Variants in SGCZ observed in about 807,000 individuals in gnomAD.
SGCZ encodes zeta-sarcoglycan.
A neutral mutation model predicts 41.3 loss-of-function variants in SGCZ; 40 were observed. The ratio of observed to expected loss-of-function variants is 0.97; its 90% CI spans 0.75 to 1.26. SGCZ has a LOEUF of 1.26. Among genes scored for constraint, SGCZ ranks in the 50% most tolerant of loss-of-function variants. The pLI, the probability that SGCZ is intolerant of heterozygous loss-of-function variation, is 0.00. For missense variants in SGCZ, 552 were observed against 369.8 expected (o/e 1.49, Z -4.04); for synonymous variants, 206 against 137.5 (o/e 1.50, Z -3.49).
intron 1 of SGCZ, among the ~76,000 whole-genome samples, chr8:14,995,122 T>G (rs371717419): frequency 2.0e-5 from 3 of 152,138 alleles, no homozygotes; most frequent in Admixed American, 2.0e-4. Flanking sequence ...ATAAAGGGAG[T>G]GCCATCAGAG....
chr8:14,558,104 A>G (rs1055533174), intron 1 of SGCZ, among the ~76,000 whole-genome samples: 6 of 152,132 alleles, frequency 3.9e-5, no homozygotes, highest in African/African-American at 1.4e-4. Flanking sequence ...CAACCTTCCT[A>G]GTTTAATTCA....
At chr8:14,820,618 A>T (rs1335529968) in intron 1 of SGCZ, among the ~76,000 whole-genome samples, 1 of 152,108 alleles carries the variant, frequency 6.6e-6, no homozygotes, top group Non-Finnish European at 1.5e-5. Flanking sequence ...AACAAATTTT[A>T]AAAATCTGAA....
chr8:14,687,341 C>A (rs1265707941), intron 1 of SGCZ, among the ~76,000 whole-genome samples: 2 of 143,662 alleles, frequency 1.4e-5, no homozygotes, highest in South Asian at 2.4e-4. Flanking sequence ...CTATCCCTCC[C>A]CCCTCCCCAC....
chr8:14,291,601 T>C (rs185944747), intron 3 of SGCZ, among the ~76,000 whole-genome samples: 2 of 152,130 alleles, frequency 1.3e-5, no homozygotes, highest in Admixed American at 6.6e-5. Context: ...ACTAGTTGTT[T>C]TACTAATAAA....
chr8:14,884,136 A>C (rs929973788), intron 1 of SGCZ, among the ~76,000 whole-genome samples: 4 of 152,124 alleles, frequency 2.6e-5, no homozygotes, highest in African/African-American at 9.6e-5. Flanking sequence ...GATAATTTGA[A>C]GCATCAGATT....
At chr8:15,139,641 T>C (rs181463352) in intron 1 of SGCZ, among the ~76,000 whole-genome samples, 60 of 151,930 alleles carry the variant, frequency 3.9e-4, no homozygotes, top group African/African-American at 1.3e-3. Flanking sequence ...AGCTAAAGTC[T>C]ACTTATTTAA....
At chr8:14,377,279 C>T (rs1804166550) in intron 2 of SGCZ, among the ~76,000 whole-genome samples, 1 of 152,106 alleles carries the variant, frequency 6.6e-6, no homozygotes, top group Non-Finnish European at 1.5e-5. Context: ...CAGAGGGCTT[C>T]TACATTGGTG....
chr8:14,303,859 C>G (rs1361821807), intron 3 of SGCZ, among the ~76,000 whole-genome samples: 1 of 152,034 alleles, frequency 6.6e-6, no homozygotes, highest in African/African-American at 2.4e-5. Flanking sequence ...TCAGGCCATT[C>G]TCCTGCTTCA....
chr8:14,127,037 C>G (rs1184132394), intron 5 of SGCZ, among the ~76,000 whole-genome samples: 2 of 151,936 alleles, frequency 1.3e-5, no homozygotes, highest in Non-Finnish European at 2.9e-5. Context: ...GGCTTAATAC[C>G]GAGGTGACAA....
At chr8:14,289,264 T>A (rs970773857) in intron 3 of SGCZ, among the ~76,000 whole-genome samples, 1 of 152,088 alleles carries the variant, frequency 6.6e-6, no homozygotes, top group African/African-American at 2.4e-5. Flanking sequence ...AGTATTTTTT[T>A]AATTATGAAG....
intron 3 of SGCZ, among the ~76,000 whole-genome samples, chr8:14,251,490 G>A (rs1799284571): frequency 6.6e-6 from 1 of 152,084 alleles, no homozygotes; most frequent in African/African-American, 2.4e-5. Context: ...GAATGGGCAT[G>A]TCTGTATTAT....
At chr8:14,687,168 A>G (rs1808636762) in intron 1 of SGCZ, among the ~76,000 whole-genome samples, 1 of 138,982 alleles carries the variant, frequency 7.2e-6, no homozygotes, top group East Asian at 2.2e-4. Context: ...TAAAGAAAAA[A>G]AAAATATATA....
chr8:14,711,231 T>C (rs1426586936), intron 1 of SGCZ, among the ~76,000 whole-genome samples: 1 of 152,068 alleles, frequency 6.6e-6, no homozygotes, highest in Non-Finnish European at 1.5e-5. Context: ...GTGAAAGTTA[T>C]TTTTTCTTAA....
intron 4 of SGCZ, among the ~76,000 whole-genome samples, chr8:14,176,002 A>G (rs1464584135): frequency 6.6e-6 from 1 of 152,178 alleles, no homozygotes; most frequent in African/African-American, 2.4e-5. Context: ...CCGTGAATCT[A>G]TTTCAAATTT....
intron 3 of SGCZ, among the ~76,000 whole-genome samples, chr8:14,268,247 C>A (rs1435578029): frequency 1.3e-5 from 2 of 148,980 alleles, no homozygotes; most frequent in Non-Finnish European, 3.0e-5. Context: ...AAATTATATA[C>A]AATTTCTGTT....
chr8:14,406,281 C>A (rs762819823), intron 2 of SGCZ, among the ~76,000 whole-genome samples: 3 of 152,112 alleles, frequency 2.0e-5, no homozygotes. Flanking sequence ...GTCAGTCAAT[C>A]TGAATTGAAT....
chr8:14,809,412 T>A lies in SGCZ; in HGVS notation c.40-254486A>T, dbSNP rs376606444. On this transcript the variant is annotated intron_variant, in intron 1 of 7. Transcript: ENST00000382080. The stretch of plus-strand genomic sequence containing the variant: ...AATGATGAAGACATTGATAGAAGGA[T>A]ATGAAATGGTCTTTGCCTTGTGTTA... Among the ~76,000 whole-genome samples the A allele has an allele frequency of 5.3e-5, 8 of 152,206 alleles. No individual in the cohort carries two copies. The East Asian group carries it at 1.2e-3, about 22-fold the overall frequency.
intron 1 of SGCZ, among the ~76,000 whole-genome samples, chr8:14,752,953 A>G (rs1005763538): frequency 1.4e-4 from 22 of 152,150 alleles, no homozygotes; most frequent in African/African-American, 5.3e-4. Context: ...GTAGGATAGT[A>G]TTATCATTTC....
chr8:14,270,703 G>A (rs952114467), intron 3 of SGCZ, among the ~76,000 whole-genome samples: 2 of 152,014 alleles, frequency 1.3e-5, no homozygotes, highest in East Asian at 3.9e-4. Flanking sequence ...TAGGAATAGT[G>A]CCGCAATAAA....
Sources: allele counts gnomAD v4.1 joint callset (sites outside exome capture counted in the v4.1 genomes callset), GRCh38; gene constraint gnomAD v4.1.1; transcripts MANE v1.5; gene names NCBI Gene and HGNC (gene_info 2026-07-23, HGNC 2026-07-21).